Variants in ACSS3 observed in about 807,000 individuals in gnomAD.
ACSS3 encodes acyl-CoA synthetase short chain family member 3.
Under a neutral mutation model 84.2 loss-of-function variants are expected in ACSS3, and 64 were observed. The ratio of observed to expected loss-of-function variants is 0.76; its 90% CI spans 0.62 to 0.94. The LOEUF is 0.94. Among genes scored for constraint, ACSS3 ranks in the 40% least tolerant of loss-of-function variants. ACSS3 has a pLI of 0.00. For synonymous variants in ACSS3, 317 were observed against 310.1 expected (o/e 1.02, Z -0.23); for missense variants, 815 against 867.6 (o/e 0.94, Z 0.76).
At chr12:81,231,019 C>G in intron 11 of ACSS3, 38 bp from the exon 12 acceptor site, 1 of 1,487,068 alleles carries the variant, frequency 6.7e-7, no homozygotes, top group South Asian at 1.2e-5. Context: ...TTTATTACCA[C>G]TTTCATCATA....
At position 81,258,311 on chromosome 12, in the gene ACSS3, T is replaced by C. The variant is rs2034406422; in HGVS notation, c.*3389T>C. 1 of 152,154 alleles carries C rather than the reference T, an allele frequency of 6.6e-6. No homozygotes were observed. The highest frequency in any genetic ancestry group is 2.4e-5 in the African/African-American group (1 of 41,440). 9.4% of individuals were successfully genotyped at this position (152,154 alleles called of 1,614,324 possible). A position where few individuals can be genotyped will look rare whatever the true frequency, so the allele number is the denominator to read the frequency against. The stretch of plus-strand genomic sequence containing the variant: ...TTGACAATGGAAAGGGTTTCTGTTA[T>C]CATTACCTTTTGACTGAATCTGTTA... On this transcript the variant is annotated 3_prime_UTR_variant, in exon 16 of 16. Coordinates refer to ENST00000548058, the MANE Select transcript of ACSS3 (RefSeq NM_024560.4).
intron 7 of ACSS3, among the ~76,000 whole-genome samples, chr12:81,156,984 C>T (rs1167847569): frequency 6.6e-6 from 1 of 152,098 alleles, no homozygotes; most frequent in Non-Finnish European, 1.5e-5. Context: ...GAGGAGGGAA[C>T]ACTCTCCTTA....
intron 1 of ACSS3, among the ~76,000 whole-genome samples, chr12:81,100,730 G>A (rs1882444800): frequency 6.6e-6 from 1 of 152,102 alleles, no homozygotes. Flanking sequence ...TTTGCCCCAG[G>A]CCATCCATCC....
intron 1 of ACSS3, among the ~76,000 whole-genome samples, chr12:81,083,609 C>T (rs1177616510): frequency 6.6e-6 from 1 of 151,940 alleles, no homozygotes; most frequent in Admixed American, 6.6e-5. Context: ...ATCCGCTCAC[C>T]TCGGCCTCCC....
At chr12:81,168,631 C>T (rs933182091) in intron 7 of ACSS3, among the ~76,000 whole-genome samples, 2 of 152,136 alleles carry the variant, frequency 1.3e-5, no homozygotes, top group African/African-American at 4.8e-5. Context: ...CAGTTGTACT[C>T]AGGGTGCTAT....
chr12:81,170,663 T>C (rs1183137888), intron 7 of ACSS3, among the ~76,000 whole-genome samples: 3 of 152,250 alleles, frequency 2.0e-5, no homozygotes, highest in East Asian at 3.9e-4. Context: ...TTGGTGTGTA[T>C]GTTGTTTGTT....
chr12:81,255,150 TG>T lies in ACSS3; in HGVS notation c.*229del. On this transcript the variant is annotated 3_prime_UTR_variant, in exon 16 of 16. Coordinates refer to ENST00000548058, the MANE Select transcript of ACSS3 (RefSeq NM_024560.4). ...ATTAGTTATCTATAACATGGCTTAT[TG>T]AATGTCATCTACTGCTTTAGGAAAA... 2.6e-6 allele frequency: 1 copy of T among 384,474 alleles called. No individual in the cohort carries two copies. The highest frequency in any genetic ancestry group is 4.6e-6 in the Non-Finnish European group (1 of 216,414). The allele number at this position is 384,474 out of a possible 1,614,324, so 23.8% of individuals were successfully genotyped here.
intron 2 of ACSS3, among the ~76,000 whole-genome samples, chr12:81,114,086 C>T (rs551587316): frequency 1.3e-5 from 2 of 152,078 alleles, no homozygotes; most frequent in African/African-American, 4.8e-5. Flanking sequence ...TTTATTTCAA[C>T]AATTATGAAT....
Position 81,078,223 on chromosome 12 carries a change from A to C in ACSS3, c.103A>C (p.Arg35=), listed in dbSNP as rs764190770. 6.3e-7 allele frequency: 1 copy of C among 1,592,852 alleles called. No individual in the cohort carries two copies. Among genetic ancestry groups the C allele is most frequent in the Non-Finnish European group, 8.5e-7 (1 of 1,172,452 alleles). The change falls in exon 1 of 16, where the codon AGG becomes CGG. Residue 35 remains arginine (R), a synonymous_variant. Transcript: ENST00000548058. ...SPARGAGAAL[R]ALVVPGPRGG... Reference sequence around the variant, plus strand: ...GGCCCGGGGAGCCGGTGCGGCCCTCAGGGCTTTAGTGGTCCCGGGCCCGCG... The same window carrying C: ...GGCCCGGGGAGCCGGTGCGGCCCTCCGGGCTTTAGTGGTCCCGGGCCCGCG...
At chr12:81,165,742 T>C (rs900097614) in intron 7 of ACSS3, among the ~76,000 whole-genome samples, 1 of 152,180 alleles carries the variant, frequency 6.6e-6, no homozygotes, top group Non-Finnish European at 1.5e-5. Flanking sequence ...TGACAATTTA[T>C]TTGTAAACTA....
chr12:81,108,251 T>TATC (rs1210438209), intron 1 of ACSS3, among the ~76,000 whole-genome samples: 1 of 114,856 alleles, frequency 8.7e-6, no homozygotes, highest in Non-Finnish European at 2.1e-5. Context: ...CTGTGGCTAT[T>TATC]ATTATTATTA....
chr12:81,111,522 T>G (rs1272895600), intron 2 of ACSS3, among the ~76,000 whole-genome samples: 1 of 152,172 alleles, frequency 6.6e-6, no homozygotes, highest in Non-Finnish European at 1.5e-5. Flanking sequence ...AGTCTCCATC[T>G]GGCAACTTCC....
intron 1 of ACSS3, among the ~76,000 whole-genome samples, chr12:81,099,513 T>A (rs1234797311): frequency 6.6e-6 from 1 of 152,210 alleles, no homozygotes; most frequent in Non-Finnish European, 1.5e-5. Context: ...AAGTGCGATA[T>A]GGCACTTTTT....
At chr12:81,248,006 G>T (rs1593241612) in intron 13 of ACSS3, among the ~76,000 whole-genome samples, 1 of 152,048 alleles carries the variant, frequency 6.6e-6, no homozygotes, top group East Asian at 1.9e-4. Context: ...AACATTTTAT[G>T]AGTAATTATT....
intron 2 of ACSS3, among the ~76,000 whole-genome samples, chr12:81,130,424 C>A (rs951301447): frequency 1.3e-5 from 2 of 152,130 alleles, no homozygotes; most frequent in Admixed American, 6.5e-5. Flanking sequence ...TAAATGTCTT[C>A]TTTTGAGAAG....
At chr12:81,181,747 CA>C (rs59878486) in intron 8 of ACSS3, among the ~76,000 whole-genome samples, 532 of 47,856 alleles carry the variant, frequency 0.011, 2 homozygotes, top group African/African-American at 0.037. Context: ...ATCAATTAAG[CA>C]AAAAAAAAAA....
At chr12:81,153,553 T>C (rs942857743) in intron 7 of ACSS3, among the ~76,000 whole-genome samples, 2 of 152,108 alleles carry the variant, frequency 1.3e-5, no homozygotes, top group African/African-American at 4.8e-5. Context: ...TTACAGAGGG[T>C]TATATTTTGG....
chr12:81,214,957 C>T (rs2032847698), intron 9 of ACSS3, among the ~76,000 whole-genome samples: 1 of 152,210 alleles, frequency 6.6e-6, no homozygotes, highest in Non-Finnish European at 1.5e-5. Flanking sequence ...TGAGAAGCTT[C>T]TCTTCCTATT....
chr12:81,213,898 TTTTG>T (rs1489152195), intron 9 of ACSS3, among the ~76,000 whole-genome samples: 1 of 76,128 alleles, frequency 1.3e-5, no homozygotes, highest in Non-Finnish European at 3.2e-5. Flanking sequence ...TCTTTCTTTC[TTTTG>T]TCCTTCCTTC....
Sources: gnomAD v4.1 joint callset for allele counts (sites outside exome capture counted in the v4.1 genomes callset) on GRCh38, gnomAD v4.1.1 for gene constraint, MANE v1.5 for transcripts, NCBI Gene and HGNC (gene_info 2026-07-23, HGNC 2026-07-21) for gene names.